The following TAFA1 variants were observed in gnomAD, a reference collection of about 807,000 sequenced individuals.
TAFA1 encodes the protein TAFA chemokine like family member 1.
Under a neutral mutation model 18.5 loss-of-function variants are expected in TAFA1, and 4 were observed. That is an observed-to-expected ratio of 0.22 (90% CI 0.11 to 0.49). The LOEUF (loss-of-function observed/expected upper bound fraction) is 0.49, where lower values mean the gene tolerates loss of function less well. Ranked by LOEUF, TAFA1 falls within the 20% of genes least tolerant of loss-of-function variation. TAFA1 has a pLI of 0.98. For missense variants in TAFA1, 147 were observed against 169.0 expected, an observed-to-expected ratio of 0.87 and a Z score of 0.72; for synonymous variants, 56 against 55.2, an observed-to-expected ratio of 1.01 and a Z score of -0.06.
chr3:68,369,262 G>A (rs1443076852), intron 2 of TAFA1, among the ~76,000 whole-genome samples: 2 of 152,050 alleles, frequency 1.3e-5, no homozygotes, highest in African/African-American at 4.8e-5. Context: ...GCTAACAAAG[G>A]CCACCAACCA....
intron 3 of TAFA1, among the ~76,000 whole-genome samples, chr3:68,449,048 T>C (rs1303196972): frequency 6.6e-6 from 1 of 152,208 alleles, no homozygotes; most frequent in Non-Finnish European, 1.5e-5. Context: ...CTAGATTTAT[T>C]TCCATGCTAA....
At chr3:68,031,612 T>A (rs1704936748) in intron 2 of TAFA1, among the ~76,000 whole-genome samples, 1 of 152,128 alleles carries the variant, frequency 6.6e-6, no homozygotes, top group Non-Finnish European at 1.5e-5. Context: ...TTTGCTGAAA[T>A]GTTCCTATGT....
At chr3:68,176,666 T>A (rs1465621277) in intron 2 of TAFA1, among the ~76,000 whole-genome samples, 4 of 152,238 alleles carry the variant, frequency 2.6e-5, no homozygotes, top group African/African-American at 9.6e-5. Context: ...TATTTACCAC[T>A]TCTCTATTCC....
intron 2 of TAFA1, among the ~76,000 whole-genome samples, chr3:68,236,724 T>A (rs1211645669): frequency 6.6e-6 from 1 of 152,214 alleles, no homozygotes; most frequent in African/African-American, 2.4e-5. Context: ...TGAAACTAAA[T>A]ATCCATTTGA....
intron 2 of TAFA1, among the ~76,000 whole-genome samples, chr3:68,148,440 T>G (rs930582851): frequency 6.6e-6 from 1 of 152,202 alleles, no homozygotes; most frequent in Non-Finnish European, 1.5e-5. Flanking sequence ...TATTTTAAAT[T>G]TACTATACAT....
chr3:68,070,657 T>C (rs2106747472), intron 2 of TAFA1, among the ~76,000 whole-genome samples: 1 of 152,374 alleles, frequency 6.6e-6, no homozygotes, highest in South Asian at 2.1e-4. Context: ...TGAACTTTTA[T>C]GCTCTGTTTC....
At chr3:68,131,353 C>G (rs2065534464) in intron 2 of TAFA1, among the ~76,000 whole-genome samples, 1 of 152,082 alleles carries the variant, frequency 6.6e-6, no homozygotes, top group African/African-American at 2.4e-5. Flanking sequence ...AAGAGGAGAG[C>G]TGGTCTCTAA....
At chr3:68,021,242 G>A (rs1413473235) in intron 2 of TAFA1, among the ~76,000 whole-genome samples, 3 of 148,916 alleles carry the variant, frequency 2.0e-5, no homozygotes, top group African/African-American at 7.4e-5. Context: ...TGTCTGTGTG[G>A]TGTCACTAAT....
chr3:68,250,012 A>G (rs866486196), intron 2 of TAFA1, among the ~76,000 whole-genome samples: 1 of 152,220 alleles, frequency 6.6e-6, no homozygotes, highest in Non-Finnish European at 1.5e-5. Context: ...AGCTTTTTCT[A>G]TCTCCCAAAC....
intron 3 of TAFA1, among the ~76,000 whole-genome samples, chr3:68,418,414 G>A (rs553518407): frequency 1.1e-4 from 17 of 150,198 alleles, no homozygotes; most frequent in African/African-American, 1.7e-4. Flanking sequence ...AGGTAATGTC[G>A]TCACTTAAGG....
chr3:68,509,938 C>A (rs1236493541), intron 3 of TAFA1, among the ~76,000 whole-genome samples: 1 of 152,036 alleles, frequency 6.6e-6, no homozygotes, highest in Non-Finnish European at 1.5e-5. Context: ...CTAATTTATG[C>A]CCTCTTGACT....
chr3:68,069,633 C>A (rs967344967), intron 2 of TAFA1, among the ~76,000 whole-genome samples: 4 of 152,150 alleles, frequency 2.6e-5, no homozygotes, highest in African/African-American at 4.8e-5. Flanking sequence ...AGTTCACAGT[C>A]CAAAGTCTCA....
chr3:68,123,148 A>G (rs934646093), intron 2 of TAFA1, among the ~76,000 whole-genome samples: 4 of 151,818 alleles, frequency 2.6e-5, no homozygotes, highest in Admixed American at 2.6e-4. Flanking sequence ...ATGACACTCC[A>G]TCAAGCTCCT....
intron 2 of TAFA1, among the ~76,000 whole-genome samples, chr3:68,327,199 T>C (rs2068790376): frequency 6.6e-6 from 1 of 152,208 alleles, no homozygotes; most frequent in Non-Finnish European, 1.5e-5. Flanking sequence ...TGTGGAACTG[T>C]GAGTTCATTA....
intron 2 of TAFA1, among the ~76,000 whole-genome samples, chr3:68,366,254 C>T (rs2106804724): frequency 6.6e-6 from 1 of 152,200 alleles, no homozygotes; most frequent in Non-Finnish European, 1.5e-5. Context: ...TGGGTGGGGA[C>T]ACAGCCCAAT....
chr3:68,454,139 G>A (rs2071615786), intron 3 of TAFA1, among the ~76,000 whole-genome samples: 1 of 152,152 alleles, frequency 6.6e-6, no homozygotes, highest in Non-Finnish European at 1.5e-5. Flanking sequence ...TACAGTAGTT[G>A]ACACAGGAAT....
At chr3:68,509,774 G>A (rs2106726659) in intron 3 of TAFA1, among the ~76,000 whole-genome samples, 1 of 152,194 alleles carries the variant, frequency 6.6e-6, no homozygotes, top group East Asian at 1.9e-4. Flanking sequence ...CACAAGAAGA[G>A]CAAAGGAAAG....
chr3:68,420,490 G>A (rs796636808), intron 3 of TAFA1, among the ~76,000 whole-genome samples: 8 of 152,216 alleles, frequency 5.3e-5, no homozygotes, highest in African/African-American at 1.7e-4. Context: ...AAGGTGCTAG[G>A]ATTACAGGCA....
At chr3:68,534,974 T>C (rs1047836815) in intron 3 of TAFA1, among the ~76,000 whole-genome samples, 1 of 152,134 alleles carries the variant, frequency 6.6e-6, no homozygotes, top group Admixed American at 6.6e-5. Context: ...AAATGCTAAG[T>C]TGAAGGGTTG....
Sources: allele counts gnomAD v4.1 joint callset (sites outside exome capture counted in the v4.1 genomes callset), GRCh38; gene constraint gnomAD v4.1.1; transcripts MANE v1.5; gene names NCBI Gene and HGNC (gene_info 2026-07-23, HGNC 2026-07-21).